Variants in CFAP107 observed in about 807,000 individuals in gnomAD.
CFAP107 encodes cilia- and flagella-associated protein 107.
chr1:12,747,108 C>G, the CFAP107 span, among the ~76,000 whole-genome samples: 1 of 151,346 alleles, frequency 6.6e-6, no homozygotes, highest in East Asian at 1.9e-4. Context: ...CGCTCTGTTG[C>G]CCAGGCTAGA....
chr1:12,755,739 A>G, the CFAP107 span: 2 of 1,613,974 alleles, frequency 1.2e-6, no homozygotes, highest in Non-Finnish European at 8.5e-7. Flanking sequence ...ATCCATTTAC[A>G]GAAAAGAATA....
chr1:12,751,140 T>G, the CFAP107 span, among the ~76,000 whole-genome samples: 1,601 of 152,008 alleles, frequency 0.011, 17 homozygotes, highest in African/African-American at 0.037. Context: ...AAAGTACTGT[T>G]AAGAGGGAAA....
the CFAP107 span, among the ~76,000 whole-genome samples, chr1:12,757,654 G>A: frequency 3.3e-5 from 5 of 152,166 alleles, no homozygotes; most frequent in East Asian, 9.6e-4. Context: ...TCAAACTGCT[G>A]GGATTACAGG....
chr1:12,759,597 A>G, the CFAP107 span: 1 of 1,269,236 alleles, frequency 7.9e-7, no homozygotes, highest in Non-Finnish European at 1.1e-6. Context: ...CCCTGGCTCC[A>G]GGAGAGCAGC....
At chr1:12,750,300 G>A in the CFAP107 span, among the ~76,000 whole-genome samples, 1 of 152,096 alleles carries the variant, frequency 6.6e-6, no homozygotes, top group African/African-American at 2.4e-5. Flanking sequence ...AAAGAAGATA[G>A]TAAGAGAACA....
chr1:12,761,098 C>A, the CFAP107 span: 1 of 714,184 alleles, frequency 1.4e-6, no homozygotes, highest in Non-Finnish European at 2.2e-6. Context: ...CTGCATTTGG[C>A]GGTACCTGTC....
At chr1:12,757,979 C>T in the CFAP107 span, among the ~76,000 whole-genome samples, 9 of 152,170 alleles carry the variant, frequency 5.9e-5, no homozygotes, top group Non-Finnish European at 1.2e-4. Context: ...AAGTAGTGGA[C>T]ACTAGAGACC....
At chr1:12,758,711 G>A in the CFAP107 span, among the ~76,000 whole-genome samples, 2 of 152,138 alleles carry the variant, frequency 1.3e-5, no homozygotes, top group African/African-American at 2.4e-5. Flanking sequence ...ACTGATTCAG[G>A]CAAACATCCC....
chr1:12,757,063 G>A, the CFAP107 span, among the ~76,000 whole-genome samples: 7 of 152,136 alleles, frequency 4.6e-5, no homozygotes, highest in Non-Finnish European at 7.3e-5. Context: ...CCAGCAGTGC[G>A]CATTAAAGAC....
chr1:12,755,940 C>A, the CFAP107 span: 1 of 641,490 alleles, frequency 1.6e-6, no homozygotes, highest in South Asian at 2.0e-5. Flanking sequence ...TTAATACCCT[C>A]CCAGCCCGGG....
chr1:12,755,852 C>T, the CFAP107 span: 1 of 1,430,250 alleles, frequency 7.0e-7, no homozygotes, highest in Non-Finnish European at 9.8e-7. Context: ...AGGCCTGGAC[C>T]CCACCCAAAG....
the CFAP107 span, among the ~76,000 whole-genome samples, chr1:12,750,443 G>C: frequency 1.3e-5 from 2 of 152,174 alleles, no homozygotes; most frequent in Non-Finnish European, 1.5e-5. Context: ...CATTAGCAGA[G>C]AGATTTATAA....
At chr1:12,751,225 GA>G in the CFAP107 span, among the ~76,000 whole-genome samples, 5 of 151,054 alleles carry the variant, frequency 3.3e-5, no homozygotes, top group Admixed American at 2.6e-4. Context: ...TAAGAAAACA[GA>G]AAAAAAAGAA....
the CFAP107 span, chr1:12,746,362 A>G: frequency 1.5e-6 from 2 of 1,340,370 alleles, no homozygotes; most frequent in Non-Finnish European, 2.1e-6. Flanking sequence ...CAACTTCATA[A>G]CACCTTCCTC....
At chr1:12,757,794 T>C in the CFAP107 span, among the ~76,000 whole-genome samples, 8 of 152,176 alleles carry the variant, frequency 5.3e-5, no homozygotes, top group Non-Finnish European at 1.2e-4. Flanking sequence ...GCTCTTCTGT[T>C]TGCTTCATGT....
the CFAP107 span, among the ~76,000 whole-genome samples, chr1:12,759,086 G>A: frequency 2.0e-5 from 3 of 152,114 alleles, no homozygotes; most frequent in Admixed American, 1.3e-4. Flanking sequence ...GCATGGGACC[G>A]GCCATACAGA....
At chr1:12,751,620 C>A in the CFAP107 span, among the ~76,000 whole-genome samples, 9 of 151,990 alleles carry the variant, frequency 5.9e-5, no homozygotes, top group Non-Finnish European at 1.3e-4. Flanking sequence ...GACCGAGACT[C>A]CATCTCTAAA....
the CFAP107 span, among the ~76,000 whole-genome samples, chr1:12,757,053 C>T: frequency 6.6e-6 from 1 of 152,172 alleles, no homozygotes; most frequent in Non-Finnish European, 1.5e-5. Flanking sequence ...CTGAGCTTCA[C>T]CAGCAGTGCG....
At chr1:12,762,428 C>T in the CFAP107 span, 1 of 150,238 alleles carries the variant, frequency 6.7e-6, no homozygotes, top group East Asian at 1.9e-4. Flanking sequence ...ATCCAAGTGT[C>T]CATGTAAGGA....
Sources: gnomAD v4.1 joint callset for allele counts (sites outside exome capture counted in the v4.1 genomes callset) on GRCh38, gnomAD v4.1.1 for gene constraint, MANE v1.5 for transcripts, NCBI Gene and HGNC (gene_info 2026-07-23, HGNC 2026-07-21) for gene names.